Variants in CCDC91 observed in about 807,000 individuals in gnomAD.
The protein encoded by CCDC91 is coiled-coil domain containing 91.
In CCDC91, 48 loss-of-function variants were observed where a neutral mutation model predicts 63.2. The observed-to-expected ratio is 0.76, with a 90% CI of 0.60 to 0.97. The LOEUF is 0.97. Ranked by LOEUF, CCDC91 falls within the 50% of genes least tolerant of loss-of-function variation. CCDC91 has a pLI of 0.00. For missense variants in CCDC91, 500 were observed against 494.6 expected (o/e 1.01, Z -0.10); for synonymous variants, 167 against 165.8 (o/e 1.01, Z -0.06).
At chr12:28,267,287 C>T (rs1947254579) in intron 3 of CCDC91, among the ~76,000 whole-genome samples, 1 of 151,144 alleles carries the variant, frequency 6.6e-6, no homozygotes, top group Non-Finnish European at 1.5e-5. Context: ...TAGTAATACT[C>T]CTTGCTTTTT....
chr12:28,490,074 G>C (rs1221254474), intron 12 of CCDC91, among the ~76,000 whole-genome samples: 1 of 151,784 alleles, frequency 6.6e-6, no homozygotes, highest in Non-Finnish European at 1.5e-5. Context: ...TAAATCAGTT[G>C]CATCATAGTA....
At position 28,324,737 on chromosome 12, in the gene CCDC91, G is replaced by A. The variant is rs1211613681; in HGVS notation, c.576+16988G>A. On this transcript the variant is annotated intron_variant, in intron 6 of 12. Transcript: ENST00000536442. ...TATTGTGAAGATTAAGTTAGTTCAT[G>A]TTCTGAAGTGTTTAAGAACAATGCC... Among the ~76,000 whole-genome samples the A allele has an allele frequency of 4.6e-5, 7 of 151,794 alleles. No homozygotes were observed. In the South Asian group the frequency reaches 1.5e-3, roughly 31 times the overall value.
At chr12:28,219,218 A>G (rs1943767941) in intron 1 of CCDC91, among the ~76,000 whole-genome samples, 1 of 152,108 alleles carries the variant, frequency 6.6e-6, no homozygotes, top group African/African-American at 2.4e-5. Context: ...ACGTCTTTTC[A>G]TGTGCTTAAT....
intron 11 of CCDC91, among the ~76,000 whole-genome samples, chr12:28,472,566 C>T (rs558652276): frequency 3.3e-5 from 5 of 152,242 alleles, no homozygotes; most frequent in Admixed American, 3.3e-4. Flanking sequence ...TTATACCTAT[C>T]ATGAAAATTG....
intron 6 of CCDC91, among the ~76,000 whole-genome samples, chr12:28,334,034 G>C (rs1396823937): frequency 6.6e-6 from 1 of 151,558 alleles, no homozygotes; most frequent in African/African-American, 2.4e-5. Context: ...ACTTCTGGCA[G>C]AATTTATGTG....
Position 28,306,862 on chromosome 12 carries a change from T to A in CCDC91, c.388T>A (p.Ser130Thr). The A allele has an allele frequency of 6.2e-7, 1 of 1,612,316 alleles. No homozygotes were observed. The highest frequency in any genetic ancestry group is 8.5e-7 in the Non-Finnish European group (1 of 1,178,786). ...DDSEDPGANV[S>T]NIQLQQKISS... ...TTCTGAGGATCCTGGAGCCAATGTA[T>A]CTAACATACAGCTTCAGCAAAAAAT... Residue 130 changes from serine to threonine, a missense_variant, in exon 5 of 13, where the codon TCT (serine) becomes ACT (threonine). Ser to Thr is a moderately conservative substitution (Grantham distance 58). Transcript: ENST00000536442.
At chr12:28,415,664 T>TTGTG (rs61077919) in intron 8 of CCDC91, among the ~76,000 whole-genome samples, 13,207 of 148,388 alleles carry the variant, frequency 0.089, 718 homozygotes, top group Non-Finnish European at 0.12. Context: ...AGATATATAT[T>TTGTG]TGTGTGTGTG....
At chr12:28,382,599 T>C (rs1407692358) in intron 7 of CCDC91, among the ~76,000 whole-genome samples, 1 of 152,110 alleles carries the variant, frequency 6.6e-6, no homozygotes, top group Non-Finnish European at 1.5e-5. Context: ...GGAACACATG[T>C]AACCAACAGA....
At chr12:28,200,353 A>G (rs1942128710) in intron 1 of CCDC91, among the ~76,000 whole-genome samples, 2 of 148,356 alleles carry the variant, frequency 1.3e-5, no homozygotes, top group Non-Finnish European at 3.0e-5. Context: ...GCAGGGTCAT[A>G]GGACAATAGT....
chr12:28,234,862 C>T (rs1592063027), intron 1 of CCDC91, among the ~76,000 whole-genome samples: 1 of 151,290 alleles, frequency 6.6e-6, no homozygotes, highest in African/African-American at 2.4e-5. Context: ...AATAAAATTA[C>T]AGTTTTTGTT....
At chr12:28,272,874 A>T (rs1200707852) in intron 3 of CCDC91, among the ~76,000 whole-genome samples, 1 of 152,086 alleles carries the variant, frequency 6.6e-6, no homozygotes, top group Non-Finnish European at 1.5e-5. Context: ...GTTTTAGAGT[A>T]CGTGTGCACA....
intron 12 of CCDC91, among the ~76,000 whole-genome samples, chr12:28,500,640 T>A (rs1937704458): frequency 6.6e-6 from 1 of 151,718 alleles, no homozygotes; most frequent in African/African-American, 2.4e-5. Flanking sequence ...CGTTACCAAG[T>A]TTTGAGTCTA....
At chr12:28,276,473 A>C (rs1948234234) in intron 3 of CCDC91, among the ~76,000 whole-genome samples, 2 of 152,008 alleles carry the variant, frequency 1.3e-5, no homozygotes, top group Non-Finnish European at 2.9e-5. Flanking sequence ...GAAGGATATA[A>C]ATTATATGAA....
chr12:28,493,115 A>T (rs1240717629), intron 12 of CCDC91, among the ~76,000 whole-genome samples: 1 of 151,686 alleles, frequency 6.6e-6, no homozygotes, highest in African/African-American at 2.4e-5. Flanking sequence ...TGGGTGCTTT[A>T]TATTTACTGT....
At chr12:28,434,830 G>T (rs1387536191) in intron 8 of CCDC91, among the ~76,000 whole-genome samples, 2 of 151,402 alleles carry the variant, frequency 1.3e-5, no homozygotes, top group Non-Finnish European at 1.5e-5. Context: ...GCCTGTCCAT[G>T]TTATCTATTT....
chr12:28,190,799 CAG>C (rs1941151723), intron 1 of CCDC91, 158 bp downstream of exon 1: 1 of 152,244 alleles, frequency 6.6e-6, no homozygotes, highest in African/African-American at 2.4e-5. Flanking sequence ...GACCAGGAGT[CAG>C]GGGGCGTGAC....
Position 28,315,502 on chromosome 12 carries a change from A to G in CCDC91, c.576+7753A>G, listed in dbSNP as rs1306027905. ...AAAAATAAGACTTTCAGGTCCAAGC[A>G]ATGAACTTGAAAATTTTGCTTTATA... On this transcript the variant is annotated intron_variant, in intron 6 of 12. Coordinates refer to ENST00000536442, the MANE Select transcript of CCDC91 (RefSeq NM_018318.5). Among the ~76,000 whole-genome samples, 4 of 152,126 alleles carry G rather than the reference A, an allele frequency of 2.6e-5. No homozygotes were observed. In the East Asian group the frequency reaches 7.8e-4, roughly 30 times the overall value.
intron 8 of CCDC91, among the ~76,000 whole-genome samples, chr12:28,432,395 G>A (rs753706252): frequency 6.6e-5 from 10 of 152,000 alleles, no homozygotes; most frequent in Non-Finnish European, 8.8e-5. Flanking sequence ...TGCTGTTCTC[G>A]TGATAGTGAA....
chr12:28,414,207 A>G (rs1947499526), intron 8 of CCDC91, among the ~76,000 whole-genome samples: 1 of 152,202 alleles, frequency 6.6e-6, no homozygotes, highest in African/African-American at 2.4e-5. Context: ...TATTTTTTAC[A>G]GCCCAAAATT....
Sources: gnomAD v4.1 joint callset for allele counts (sites outside exome capture counted in the v4.1 genomes callset) on GRCh38, gnomAD v4.1.1 for gene constraint, MANE v1.5 for transcripts, NCBI Gene and HGNC (gene_info 2026-07-23, HGNC 2026-07-21) for gene names.